Variants in PCDHA4 observed in about 807,000 individuals in gnomAD.
The protein encoded by PCDHA4 is protocadherin alpha 4.
PCDHA4 carries 49 observed loss-of-function variants against 61.4 expected under a neutral mutation model. That is an observed-to-expected ratio of 0.80 (90% CI 0.63 to 1.01). PCDHA4 has a LOEUF of 1.01. Ranked by LOEUF, PCDHA4 falls within the 50% of genes least tolerant of loss-of-function variation. PCDHA4 has a pLI of 0.00. For synonymous variants in PCDHA4, 590 were observed against 550.3 expected (o/e 1.07, Z -1.01); for missense variants, 1,254 against 1,235.8 (o/e 1.01, Z -0.22).
intron 1 of PCDHA4, chr5:140,875,502 A>G (rs201298546): frequency 1.7e-5 from 28 of 1,613,494 alleles, no homozygotes; most frequent in Non-Finnish European, 2.3e-5. Context: ...GAGGCCCGGG[A>G]TCCCAGCGTC....
At chr5:140,993,538 A>T (rs1175611433) in intron 3 of PCDHA4, among the ~76,000 whole-genome samples, 1 of 151,668 alleles carries the variant, frequency 6.6e-6, no homozygotes, top group Non-Finnish European at 1.5e-5. Context: ...AGAGAGAGAG[A>T]TAGAGAAGTG....
intron 3 of PCDHA4, among the ~76,000 whole-genome samples, chr5:140,993,305 G>C (rs1405035028): frequency 6.6e-6 from 1 of 151,998 alleles, no homozygotes; most frequent in African/African-American, 2.4e-5. Flanking sequence ...CTTGCCTCCA[G>C]GATAATACCT....
At chr5:141,009,511 G>C in intron 3 of PCDHA4, 116 bp from the exon 4 acceptor site, 2 of 1,498,174 alleles carry the variant, frequency 1.3e-6, no homozygotes, top group Non-Finnish European at 1.8e-6. Context: ...CAAACAACTC[G>C]TGATTTTTCT....
At chr5:140,906,719 T>C (rs1282384270) in intron 1 of PCDHA4, among the ~76,000 whole-genome samples, 1 of 152,218 alleles carries the variant, frequency 6.6e-6, no homozygotes, top group East Asian at 1.9e-4. Flanking sequence ...GCCTGGATTG[T>C]GCTGTTGTAG....
intron 1 of PCDHA4, chr5:140,850,503 G>A (rs2041643123): frequency 6.3e-7 from 1 of 1,598,176 alleles, no homozygotes; most frequent in South Asian, 1.1e-5. Flanking sequence ...GGTGTCGCTG[G>A]TGGAGAGCGG....
intron 1 of PCDHA4, chr5:140,967,505 G>C (rs782818141): frequency 2.4e-5 from 39 of 1,612,940 alleles, no homozygotes; most frequent in Non-Finnish European, 3.2e-5. Context: ...CTCTGTGCGT[G>C]TCCTGGACAC....
intron 1 of PCDHA4, chr5:140,871,263 G>C: frequency 6.2e-7 from 1 of 1,614,010 alleles, no homozygotes; most frequent in Non-Finnish European, 8.5e-7. Context: ...ATACGGCGCT[G>C]TGGTGGTCGG....
intron 1 of PCDHA4, among the ~76,000 whole-genome samples, chr5:140,916,791 G>A (rs1159820496): frequency 6.6e-6 from 1 of 152,128 alleles, no homozygotes; most frequent in Admixed American, 6.5e-5. Flanking sequence ...AGCTGCCCCA[G>A]CTGATGACTT....
chr5:140,912,122 C>A (rs1008861945), intron 1 of PCDHA4, among the ~76,000 whole-genome samples: 1 of 152,194 alleles, frequency 6.6e-6, no homozygotes, highest in Admixed American at 6.5e-5. Context: ...GAGGCTAAGT[C>A]AGTCTAATCT....
At chr5:140,866,680 C>G (rs2049493628) in intron 1 of PCDHA4, 1 of 152,138 alleles carries the variant, frequency 6.6e-6, no homozygotes, top group South Asian at 2.1e-4. Context: ...AGCACTAGGT[C>G]TGTTAGAATA....
chr5:140,857,146 C>G lies in PCDHA4; in HGVS notation c.2385+47574C>G, dbSNP rs1554149571. ...TGAAAGAAGATGCTCAAGTGGGCAC[C>G]GTCATTGCCCTAATCAGCGTTTCTG... On this transcript the variant is annotated intron_variant, in intron 1 of 3. Coordinates refer to ENST00000530339, the MANE Select transcript of PCDHA4 (RefSeq NM_018907.4). The G allele has an allele frequency of 1.9e-6, 3 of 1,598,132 alleles. 1 individual carries two copies. In the South Asian group the frequency reaches 3.3e-5, roughly 18 times the overall value.
At position 140,848,597 on chromosome 5, in the gene PCDHA4, C is replaced by T. The variant is rs151001396; in HGVS notation, c.2385+39025C>T. ...TGGGGAGCGGCCAGCTCCACTACTC[C>T]GTCCCGGAGGAAGCCGAACACGGCA... is the stretch of plus-strand genomic sequence containing the variant. On this transcript the variant is annotated intron_variant, in intron 1 of 3. Coordinates refer to ENST00000530339, the MANE Select transcript of PCDHA4 (RefSeq NM_018907.4). The T allele has an allele frequency of 5.0e-6, 8 of 1,591,350 alleles. 1 individual carries two copies. The African/African-American group carries it at 6.7e-5, about 13-fold the overall frequency.
chr5:140,826,128 G>C (rs181129718), intron 1 of PCDHA4, among the ~76,000 whole-genome samples: 1 of 152,208 alleles, frequency 6.6e-6, no homozygotes, highest in East Asian at 1.9e-4. Flanking sequence ...AATATCCTGA[G>C]CTACTTTGAG....
chr5:140,971,509 A>C (rs1369392741), intron 1 of PCDHA4, among the ~76,000 whole-genome samples: 4 of 152,112 alleles, frequency 2.6e-5, no homozygotes, highest in Admixed American at 2.0e-4. Flanking sequence ...ATAGGAGCAA[A>C]AGCCACTCAG....
At chr5:140,863,810 C>T (rs1554158466) in intron 1 of PCDHA4, 8 of 203,770 alleles carry the variant, frequency 3.9e-5, no homozygotes, top group South Asian at 2.6e-4. Context: ...ACCAGCCTGG[C>T]CAACATGGTG....
chr5:140,962,764 T>C (rs946789298), intron 1 of PCDHA4, among the ~76,000 whole-genome samples: 7 of 152,226 alleles, frequency 4.6e-5, no homozygotes, highest in African/African-American at 1.7e-4. Flanking sequence ...TATTCGTTTT[T>C]AACAAGATGG....
intron 1 of PCDHA4, chr5:140,824,079 C>G (rs149846106): frequency 6.2e-6 from 10 of 1,614,220 alleles, no homozygotes; most frequent in Non-Finnish European, 8.5e-6. Context: ...AAACAGACCT[C>G]ATGGCCTTCA....
Position 140,858,252 on chromosome 5 carries a change from C to A in PCDHA4, c.2385+48680C>A, listed in dbSNP as rs1554151333. On this transcript the variant is annotated intron_variant, in intron 1 of 3. Coordinates refer to ENST00000530339, the MANE Select transcript of PCDHA4 (RefSeq NM_018907.4). The stretch of plus-strand genomic sequence containing the variant: ...GAGGGCGCATGTGGGCCGGTGAAGC[C>A]CACGCTGGTGTGCTCTAGCGCGGTG... 3 of 1,596,744 alleles carry A rather than the reference C, an allele frequency of 1.9e-6. 1 individual carries two copies. The Admixed American group carries it at 5.1e-5, about 27-fold the overall frequency.
At chr5:140,875,958 C>G (rs1312300687) in intron 1 of PCDHA4, 4 of 1,614,080 alleles carry the variant, frequency 2.5e-6, no homozygotes, top group Non-Finnish European at 3.4e-6. Flanking sequence ...ATGCGGATAT[C>G]GGCGTAAACT....
Sources: gnomAD v4.1 joint callset for allele counts (sites outside exome capture counted in the v4.1 genomes callset) on GRCh38, gnomAD v4.1.1 for gene constraint, MANE v1.5 for transcripts, NCBI Gene and HGNC (gene_info 2026-07-23, HGNC 2026-07-21) for gene names.